The following ABCA6 variants were observed in gnomAD, a reference collection of about 807,000 sequenced individuals.
ABCA6 encodes ATP binding cassette subfamily A member 6.
ABCA6 carries 164 observed loss-of-function variants against 191.2 expected under a neutral mutation model. That is an observed-to-expected ratio of 0.86 (90% CI 0.76 to 0.98). ABCA6 has a LOEUF of 0.98. ABCA6 is among the 50% of genes least tolerant of loss of function. ABCA6 has a pLI of 0.00. For missense variants in ABCA6, 1,958 were observed against 1,894.1 expected (o/e 1.03, Z -0.63); for synonymous variants, 636 against 647.7 (o/e 0.98, Z 0.27).
At position 69,087,430 on chromosome 17, in the gene ABCA6, G is replaced by A; in HGVS notation, c.3742C>T (p.Pro1248Ser). The change falls in exon 29 of 39, where the codon CCC becomes TCC. Residue 1248 changes from proline (P) to serine (S), a missense_variant. Physicochemically the swap from Pro to Ser is moderately conservative, Grantham distance 74. Coordinates refer to ENST00000284425, the MANE Select transcript of ABCA6 (RefSeq NM_080284.3). The stretch of plus-strand genomic sequence containing the variant: ...TGAATATCTTCATCTTCATCTATGG[G>A]TTCTTCTGGATTTGGCTTAGCATCT... ...SRDAKPNPEE[P>S]IDEDEDIQTE... 6.2e-7 allele frequency: 1 copy of A among 1,613,896 alleles called. No homozygotes were observed. Among genetic ancestry groups the A allele is most frequent in the Non-Finnish European group, 8.5e-7 (1 of 1,179,872 alleles).
At chr17:69,095,969 C>T (rs1316739854) in intron 25 of ABCA6, among the ~76,000 whole-genome samples, 1 of 152,192 alleles carries the variant, frequency 6.6e-6, no homozygotes, top group Non-Finnish European at 1.5e-5. Context: ...TGGCAGGAAG[C>T]CCTGTATTCT....
intron 28 of ABCA6, 112 bp from the exon 29 acceptor site, chr17:69,087,585 T>TGATG: frequency 7.3e-7 from 1 of 1,365,216 alleles, no homozygotes; most frequent in Non-Finnish European, 1.0e-6. Flanking sequence ...GTGCAGGTGA[T>TGATG]GATGTGATGA....
In ABCA6 at chr17:69,078,897, A is replaced by G; in HGVS notation, c.*76T>C. 1.2e-6 allele frequency: 1 copy of G among 802,102 alleles called. No individual in the cohort carries two copies. The highest frequency in any genetic ancestry group is 2.7e-5 in the South Asian group (1 of 37,536). The allele number at this position is 802,102 out of a possible 1,614,324, so 49.7% of individuals were successfully genotyped here. The stretch of plus-strand genomic sequence containing the variant: ...GATGTTAATTTTAAATGATCTTTAA[A>G]ATTAAACATACTATTAATTATTACA... On this transcript the variant is annotated 3_prime_UTR_variant, in exon 39 of 39. Coordinates refer to ENST00000284425, the MANE Select transcript of ABCA6 (RefSeq NM_080284.3).
intron 10 of ABCA6, among the ~76,000 whole-genome samples, chr17:69,122,242 C>T (rs777982941): frequency 1.4e-4 from 21 of 152,086 alleles, no homozygotes; most frequent in Non-Finnish European, 2.6e-4. Context: ...GCTTTTTGTG[C>T]GAATTATGTG....
chr17:69,121,320 A>G (rs1197657874), intron 10 of ABCA6, among the ~76,000 whole-genome samples: 1 of 152,114 alleles, frequency 6.6e-6, no homozygotes, highest in Non-Finnish European at 1.5e-5. Context: ...GCAGCCCCAG[A>G]CCTGCTTTAA....
rs1206104981 is a variant in ABCA6, at chr17:69,135,883, C to T, written c.460+209G>A. The T allele has an allele frequency of 1.4e-5, 8 of 553,684 alleles. No individual in the cohort carries two copies. The East Asian group carries it at 2.1e-4, about 14-fold the overall frequency. 34.3% of individuals were successfully genotyped at this position (553,684 alleles called of 1,614,324 possible). A position where few individuals can be genotyped will look rare whatever the true frequency, so the allele number is the denominator to read the frequency against. On this transcript the variant is annotated intron_variant, in intron 4 of 38. Coordinates refer to ENST00000284425, the MANE Select transcript of ABCA6 (RefSeq NM_080284.3). ...GTCCTTTGACACATGCATCTGCATG[C>T]TCAACACATATATGTTGGATGACTC...
rs1342966953 is a variant in ABCA6, at chr17:69,091,186, A to C, written c.3485T>G (p.Val1162Gly). ...LSILITTMVL[V>G]PSYTLLGFKT... Reference sequence around the variant, plus strand: ...AAATCCAAGCAAGGTATATGAAGGAACCAATACCATGGTGGTAATCAATAT... The same window carrying C: ...AAATCCAAGCAAGGTATATGAAGGACCCAATACCATGGTGGTAATCAATAT... Residue 1162 changes from valine (V) to glycine (G), a missense_variant, in exon 26 of 39, where the codon GTT (valine) becomes GGT (glycine). Transcript: ENST00000284425. 6.2e-7 allele frequency: 1 copy of C among 1,611,862 alleles called. No individual in the cohort carries two copies. Among genetic ancestry groups the C allele is most frequent in the East Asian group, 2.2e-5 (1 of 44,840 alleles).
rs1165974701 is a variant in ABCA6, at chr17:69,106,023, C to T, written c.2573+5G>A. ...CTAACAAAACCACAGTACTCTCCTA[C>T]TCACAGGGTCAATAACACTTTAGTT... On this transcript the variant is annotated splice_donor_5th_base_variant and intron_variant, in intron 19 of 38. Transcript: ENST00000284425. 6.2e-7 allele frequency: 1 copy of T among 1,603,860 alleles called. No individual in the cohort carries two copies. The highest frequency in any genetic ancestry group is 8.5e-7 in the Non-Finnish European group (1 of 1,175,570).
intron 22 of ABCA6, chr17:69,098,638 A>AAAT (rs1353572983): frequency 6.6e-6 from 1 of 151,206 alleles, no homozygotes; most frequent in African/African-American, 2.4e-5. Flanking sequence ...AAAAAAAAAA[A>AAAT]AAAAAAAAAG....
chr17:69,117,990 C>T, intron 10 of ABCA6, 34 bp from the exon 11 acceptor site: 1 of 1,497,882 alleles, frequency 6.7e-7, no homozygotes, highest in Non-Finnish European at 9.2e-7. Context: ...ACTTAGCCAA[C>T]ACAGAAGTGA....
intron 25 of ABCA6, among the ~76,000 whole-genome samples, chr17:69,093,745 T>C (rs1330732536): frequency 6.6e-6 from 1 of 152,186 alleles, no homozygotes; most frequent in East Asian, 1.9e-4. Flanking sequence ...TACTAGACAA[T>C]TTTGAATTTC....
intron 18 of ABCA6, among the ~76,000 whole-genome samples, chr17:69,107,264 C>T (rs1485382521): frequency 6.6e-6 from 1 of 152,096 alleles, no homozygotes; most frequent in Non-Finnish European, 1.5e-5. Context: ...ATAAGAGGAG[C>T]TCCATAATGA....
chr17:69,126,543 G>A (rs117355086), intron 8 of ABCA6, among the ~76,000 whole-genome samples: 8 of 152,098 alleles, frequency 5.3e-5, no homozygotes, highest in East Asian at 1.9e-4. Context: ...AGTTACTTGC[G>A]AGGCCGAGGC....
In ABCA6 at chr17:69,091,128, G is replaced by T. The variant is rs759729237; in HGVS notation, c.3528+15C>A. 3.8e-6 allele frequency: 6 copies of T among 1,598,548 alleles called. No individual in the cohort carries two copies. Among genetic ancestry groups the T allele is most frequent in the Middle Eastern group, 3.6e-4 (2 of 5,630 alleles). ...CATATTCAAAATTAATGACACAGTT[G>T]GTAACATTTCTTACCACTTCCAAAA... is the stretch of plus-strand genomic sequence containing the variant. On this transcript the variant is annotated intron_variant, in intron 26 of 38. Coordinates refer to ENST00000284425, the MANE Select transcript of ABCA6 (RefSeq NM_080284.3).
intron 7 of ABCA6, 108 bp from the exon 8 acceptor site, chr17:69,128,912 T>C (rs867158896): frequency 1.2e-6 from 1 of 856,818 alleles, no homozygotes. Context: ...TAAATATTTA[T>C]CAGTGAGAAA....
At position 69,110,836 on chromosome 17, in the gene ABCA6, T is replaced by C. The variant is rs2073407738; in HGVS notation, c.2237A>G (p.Tyr746Cys). 1.2e-6 allele frequency: 2 copies of C among 1,611,348 alleles called. No homozygotes were observed. Among genetic ancestry groups the C allele is most frequent in the East Asian group, 2.2e-5 (1 of 44,712 alleles). ...ATTTGTCCTTTCCAGTGGCAAAGTA[T>C]ATACAAGCTTTTCTTTGTTTTCTGT... Reference protein sequence around the residue: ...LKTENKEKLVYTLPLERTNTF... With the variant: ...LKTENKEKLVCTLPLERTNTF... The change falls in exon 17 of 39, where the codon TAT (tyrosine) becomes TGT (cysteine). Residue 746 changes from tyrosine to cysteine, a missense_variant. Tyr to Cys is a radical substitution (Grantham distance 194). Coordinates refer to ENST00000284425, the MANE Select transcript of ABCA6 (RefSeq NM_080284.3).
rs1487211142 is a variant in ABCA6 at position 69,096,483 on chromosome 17, T to C, written c.3295-130A>G. On this transcript the variant is annotated intron_variant, in intron 24 of 38. Transcript: ENST00000284425. ...CATCTTTGGTATCTGAAACTATTAGTATTTATCATACATGCACTTTGCATG... is the reference window on the plus strand; with the variant it reads ...CATCTTTGGTATCTGAAACTATTAGCATTTATCATACATGCACTTTGCATG... The C allele has an allele frequency of 1.1e-5, 9 of 816,896 alleles. No individual in the cohort carries two copies. In the South Asian group the frequency reaches 1.3e-4, roughly 12 times the overall value. The allele number at this position is 816,896 out of a possible 1,614,324, so 50.6% of individuals were successfully genotyped here.
At chr17:69,127,682 T>C (rs980069913) in intron 8 of ABCA6, among the ~76,000 whole-genome samples, 1 of 152,114 alleles carries the variant, frequency 6.6e-6, no homozygotes, top group African/African-American at 2.4e-5. Context: ...TAAAACTAAA[T>C]TGATGCAACC....
chr17:69,079,154 A>G (rs369008100), intron 38 of ABCA6, 56 bp downstream of exon 38: 1 of 1,580,116 alleles, frequency 6.3e-7, no homozygotes, highest in Non-Finnish European at 8.7e-7. Context: ...AGGAAAATGC[A>G]TGTTGCTTTC....
Sources: allele counts gnomAD v4.1 joint callset (sites outside exome capture counted in the v4.1 genomes callset), GRCh38; gene constraint gnomAD v4.1.1; transcripts MANE v1.5; gene names NCBI Gene and HGNC (gene_info 2026-07-23, HGNC 2026-07-21).